The following MINDY4 variants were observed in gnomAD, a reference collection of about 807,000 sequenced individuals.
MINDY4 encodes the protein MINDY lysine 48 deubiquitinase 4.
In MINDY4, 68 loss-of-function variants were observed where a neutral mutation model predicts 87.0. The observed-to-expected ratio is 0.78, with a 90% CI of 0.64 to 0.96. The LOEUF is 0.96. Ranked by LOEUF, MINDY4 falls within the 40% of genes least tolerant of loss-of-function variation. MINDY4 has a pLI of 0.00. For synonymous variants in MINDY4, 379 were observed against 363.2 expected (o/e 1.04, Z -0.50); for missense variants, 919 against 928.2 (o/e 0.99, Z 0.13).
At chr7:30,777,014 CTTTT>C (rs200146980) in intron 1 of MINDY4, among the ~76,000 whole-genome samples, 2 of 128,994 alleles carry the variant, frequency 1.6e-5, no homozygotes, top group African/African-American at 6.2e-5. Flanking sequence ...TTTTCTTTTT[CTTTT>C]TTTTTTTTAG....
At chr7:30,817,062 A>G (rs192885993) in intron 5 of MINDY4, among the ~76,000 whole-genome samples, 97 of 152,316 alleles carry the variant, frequency 6.4e-4, no homozygotes, top group African/African-American at 2.2e-3. Flanking sequence ...TGAAAAATGC[A>G]TGTGAATATC....
intron 9 of MINDY4, 147 bp from the exon 10 acceptor site, chr7:30,850,307 G>A (rs1789370054): frequency 2.8e-6 from 2 of 705,826 alleles, no homozygotes; most frequent in Non-Finnish European, 2.4e-6. Context: ...TTTGCCTTGG[G>A]GCTCCTGGGC....
At chr7:30,832,666 C>G (rs544335382) in intron 6 of MINDY4, among the ~76,000 whole-genome samples, 6 of 152,144 alleles carry the variant, frequency 3.9e-5, no homozygotes, top group Admixed American at 2.0e-4. Context: ...CGTGCCACCA[C>G]ACCTGGCTAA....
chr7:30,859,133 G>T (rs1477369576), intron 12 of MINDY4, 124 bp from the exon 13 acceptor site: 1 of 908,906 alleles, frequency 1.1e-6, no homozygotes, highest in South Asian at 1.4e-5. Flanking sequence ...GCAACCCCAG[G>T]GCTGGGCTGG....
intron 5 of MINDY4, among the ~76,000 whole-genome samples, chr7:30,813,124 G>T (rs914962163): frequency 6.6e-6 from 1 of 152,180 alleles, no homozygotes; most frequent in Non-Finnish European, 1.5e-5. Context: ...TTTGGAGGGG[G>T]TACTTTCAGC....
At chr7:30,771,887 G>T (rs575960573) in intron 1 of MINDY4, among the ~76,000 whole-genome samples, 3 of 152,228 alleles carry the variant, frequency 2.0e-5, no homozygotes, top group African/African-American at 7.2e-5. Flanking sequence ...CGCACAGCGG[G>T]CAGGCCTGCG....
chr7:30,825,449 C>T (rs143394417), intron 5 of MINDY4, among the ~76,000 whole-genome samples: 100 of 152,278 alleles, frequency 6.6e-4, no homozygotes, highest in Non-Finnish European at 9.6e-4. Context: ...ACCATCTCAG[C>T]GGGCTCATGG....
intron 5 of MINDY4, among the ~76,000 whole-genome samples, chr7:30,813,735 C>G (rs1043898268): frequency 2.6e-5 from 4 of 152,222 alleles, no homozygotes; most frequent in Admixed American, 6.5e-5. Flanking sequence ...ATGGAAATTC[C>G]ACAGCTCTCT....
intron 4 of MINDY4, among the ~76,000 whole-genome samples, chr7:30,788,912 G>C (rs115423443): frequency 6.6e-6 from 1 of 152,130 alleles, no homozygotes; most frequent in African/African-American, 2.4e-5. Context: ...GACATTCCTC[G>C]GTGAAGTCAG....
At chr7:30,796,840 A>T (rs1562533802) in intron 5 of MINDY4, 1 of 150,860 alleles carries the variant, frequency 6.6e-6, no homozygotes, top group East Asian at 2.0e-4. Context: ...CATGTTACAG[A>T]TCCTTTGGTT....
At chr7:30,889,739 A>G (rs1174385681) in intron 17 of MINDY4, among the ~76,000 whole-genome samples, 1 of 152,194 alleles carries the variant, frequency 6.6e-6, no homozygotes, top group Non-Finnish European at 1.5e-5. Flanking sequence ...CAATGGAGTA[A>G]GTGATGATGC....
At chr7:30,821,336 A>G (rs1266096934) in intron 5 of MINDY4, among the ~76,000 whole-genome samples, 1 of 152,162 alleles carries the variant, frequency 6.6e-6, no homozygotes, top group Non-Finnish European at 1.5e-5. Context: ...TTGACTGAAA[A>G]TGTCTTCATT....
At chr7:30,829,802 G>A (rs1788640333) in intron 6 of MINDY4, among the ~76,000 whole-genome samples, 1 of 152,186 alleles carries the variant, frequency 6.6e-6, no homozygotes, top group Non-Finnish European at 1.5e-5. Context: ...TTAAGATTTT[G>A]CAGTGAAAGC....
intron 5 of MINDY4, among the ~76,000 whole-genome samples, chr7:30,827,073 C>T (rs909271972): frequency 8.5e-5 from 13 of 152,120 alleles, no homozygotes; most frequent in South Asian, 4.2e-4. Context: ...GAAACCAGTT[C>T]GGAGCCTATT....
chr7:30,852,279 AG>A lies in MINDY4; in HGVS notation c.1611+1del, dbSNP rs1789436922. On this transcript the variant is annotated splice_donor_variant, in intron 11 of 17. Transcript: ENST00000265299. LOFTEE classifies it high-confidence loss of function. ...ACAAAGCAGATGGAGTCTTAGAAAC[AG>A]TACGACTTTCTGGAAAATTATCACG... 6.2e-7 allele frequency: 1 copy of A among 1,614,154 alleles called. No individual in the cohort carries two copies. The highest frequency in any genetic ancestry group is 1.3e-5 in the African/African-American group (1 of 75,070).
At chr7:30,839,721 C>T (rs949573557) in intron 8 of MINDY4, among the ~76,000 whole-genome samples, 3 of 151,936 alleles carry the variant, frequency 2.0e-5, no homozygotes, top group Admixed American at 2.0e-4. Flanking sequence ...AGGCAGGTGG[C>T]AGCATTAATG....
intron 13 of MINDY4, among the ~76,000 whole-genome samples, chr7:30,868,764 G>T (rs1271830198): frequency 6.6e-6 from 1 of 152,170 alleles, no homozygotes; most frequent in Non-Finnish European, 1.5e-5. Context: ...CTGGCATCCT[G>T]GGCAAAGCTC....
chr7:30,875,842 G>A (rs1790241696), intron 15 of MINDY4, among the ~76,000 whole-genome samples, 186 bp downstream of exon 15: 1 of 152,202 alleles, frequency 6.6e-6, no homozygotes, highest in East Asian at 1.9e-4. Context: ...CTATAATTCA[G>A]ACCCAAAGCC....
intron 5 of MINDY4, among the ~76,000 whole-genome samples, chr7:30,817,231 C>T (rs1389595389): frequency 6.6e-6 from 1 of 152,122 alleles, no homozygotes; most frequent in Non-Finnish European, 1.5e-5. Flanking sequence ...AAGTGCCATC[C>T]AGCTCTAACC....
Sources: allele counts gnomAD v4.1 joint callset (sites outside exome capture counted in the v4.1 genomes callset), GRCh38; gene constraint gnomAD v4.1.1; transcripts MANE v1.5; gene names NCBI Gene and HGNC (gene_info 2026-07-23, HGNC 2026-07-21).